Variants in HGD observed in about 807,000 individuals in gnomAD.
HGD encodes the protein homogentisate 1,2-dioxygenase.
HGD carries 61 observed loss-of-function variants against 60.8 expected under a neutral mutation model. The ratio of observed to expected loss-of-function variants is 1.00; its 90% CI spans 0.82 to 1.24. HGD has a LOEUF of 1.24. HGD is among the 50% of genes most tolerant of loss of function. The pLI is 0.00. For missense variants in HGD, 542 were observed against 547.1 expected, an observed-to-expected ratio of 0.99 and a Z score of 0.09; for synonymous variants, 212 against 187.7, an observed-to-expected ratio of 1.13 and a Z score of -1.06.
At position 120,628,305 on chromosome 3, in the gene HGD, A is replaced by G. The variant is rs1940482202; in HGVS notation, c.*75T>C. ...TCATTTTAACCAACCCCCTCCTCCA[A>G]TACTACCAGAAAGCATGAGATTCTG... On this transcript the variant is annotated 3_prime_UTR_variant, in exon 14 of 14. Coordinates refer to ENST00000283871, the MANE Select transcript of HGD (RefSeq NM_000187.4). 1.3e-6 allele frequency: 2 copies of G among 1,515,380 alleles called. No individual in the cohort carries two copies. The highest frequency in any genetic ancestry group is 1.4e-5 in the African/African-American group (1 of 72,776). 93.9% of individuals were successfully genotyped at this position (1,515,380 alleles called of 1,614,324 possible).
At chr3:120,646,891 A>C in intron 8 of HGD, 82 bp downstream of exon 8, 1 of 1,097,628 alleles carries the variant, frequency 9.1e-7, no homozygotes, top group African/African-American at 1.5e-5. Context: ...GAAATTTTAG[A>C]GTTGGAAATA....
chr3:120,639,767 A>T (rs950918930), intron 11 of HGD, among the ~76,000 whole-genome samples: 1 of 152,124 alleles, frequency 6.6e-6, no homozygotes, highest in African/African-American at 2.4e-5. Context: ...TTGCTTTCCT[A>T]CCTTTGTTTG....
intron 4 of HGD, among the ~76,000 whole-genome samples, chr3:120,663,439 A>G (rs1707825276): frequency 6.6e-6 from 1 of 152,222 alleles, no homozygotes; most frequent in East Asian, 1.9e-4. Context: ...AGAAAGTCAC[A>G]TCTCATTTGG....
At chr3:120,652,732 TA>T in intron 4 of HGD, 81 bp from the exon 5 acceptor site, 1 of 953,184 alleles carries the variant, frequency 1.0e-6, no homozygotes, top group Non-Finnish European at 1.7e-6. Flanking sequence ...ATCAATTACA[TA>T]GAAAAGAAAG....
intron 12 of HGD, among the ~76,000 whole-genome samples, chr3:120,636,748 A>G (rs995619183): frequency 5.9e-5 from 9 of 152,216 alleles, no homozygotes; most frequent in African/African-American, 2.2e-4. Context: ...CTGGCATTTG[A>G]CCATGGAGTG....
At chr3:120,664,426 C>CTTTTTTTTT (rs71133513) in intron 4 of HGD, among the ~76,000 whole-genome samples, 6 of 118,820 alleles carry the variant, frequency 5.0e-5, no homozygotes, top group Admixed American at 9.9e-5. Flanking sequence ...TTTTTTCTTC[C>CTTTTTTTTT]TTTTTTTTTT....
Position 120,628,444 on chromosome 3 carries a change from T to C in HGD, c.1274A>G (p.Lys425Arg), listed in dbSNP as rs1487126657. 2.5e-6 allele frequency: 4 copies of C among 1,613,916 alleles called. No individual in the cohort carries two copies. In the East Asian group the frequency reaches 6.7e-5, roughly 27 times the overall value. ...GTGGCTCTTGAGTGGCTCCCAGCAC[T>C]TGTGGTAGTTCTCATCCAAACACCT... Reference protein sequence around the residue: ...ASRCLDENYHKCWEPLKSHFT... With the variant: ...ASRCLDENYHRCWEPLKSHFT... Residue 425 changes from lysine (K) to arginine (R), a missense_variant, in exon 14 of 14, where the codon AAG (lysine) becomes AGG (arginine). By Grantham distance (26) the Lys-to-Arg change is conservative (BLOSUM62 2). Around this residue, in one of 2 missense-constraint regions of HGD, gnomAD observed 537 missense variants for 529.1 expected, o/e 1.01. Coordinates refer to ENST00000283871, the MANE Select transcript of HGD (RefSeq NM_000187.4).
In HGD at chr3:120,660,002, G is replaced by A. The variant is rs530643785; in HGVS notation, c.283-7351C>T. Among the ~76,000 whole-genome samples the A allele has an allele frequency of 2.0e-5, 3 of 152,156 alleles. No individual in the cohort carries two copies. In the South Asian group the frequency reaches 6.2e-4, roughly 32 times the overall value. On this transcript the variant is annotated intron_variant, in intron 4 of 13. Transcript: ENST00000283871. ...ACGAATGGCTTAGCACTACCCTCTT[G>A]GTGCTGTTCTCATGACAGTGAGTTC...
chr3:120,675,821 G>A lies in HGD; in HGVS notation c.58C>T (p.Arg20Cys), dbSNP rs755454185. The A allele has an allele frequency of 9.9e-6, 16 of 1,613,492 alleles. No homozygotes were observed. The highest frequency in any genetic ancestry group is 2.2e-5 in the East Asian group (1 of 44,884). Residue 20 changes from arginine to cysteine, a missense_variant, in exon 2 of 14, where the codon CGC (arginine) becomes TGC (cysteine). Physicochemically the swap from Arg to Cys is radical, Grantham distance 180. This residue lies in a region of HGD where 537 missense variants were observed against 529.1 expected (regional missense o/e 1.01). Transcript: ENST00000283871. ...CCTTCTGGCAGGGAACCTGGGCAGCGAGGATCCTCTGAAGAACACTCATTC... is the reference window on the plus strand; with the variant it reads ...CCTTCTGGCAGGGAACCTGGGCAGCAAGGATCCTCTGAAGAACACTCATTC... ...FGNECSSEDPRCPGSLPEGQN... is the reference protein window; with the variant it reads ...FGNECSSEDPCCPGSLPEGQN...
intron 4 of HGD, among the ~76,000 whole-genome samples, chr3:120,663,511 A>T (rs1176375927): frequency 1.3e-5 from 2 of 152,204 alleles, no homozygotes; most frequent in African/African-American, 2.4e-5. Flanking sequence ...TCCCTCCCGT[A>T]ACACGTGGGA....
intron 3 of HGD, among the ~76,000 whole-genome samples, chr3:120,674,293 G>T (rs898483562): frequency 6.6e-6 from 1 of 152,090 alleles, no homozygotes; most frequent in African/African-American, 2.4e-5. Flanking sequence ...GTTAATCAAG[G>T]GATTACGTTC....
intron 1 of HGD, among the ~76,000 whole-genome samples, chr3:120,677,477 C>T (rs927545334): frequency 2.6e-5 from 4 of 152,128 alleles, no homozygotes; most frequent in African/African-American, 4.8e-5. Context: ...TCTCCCACAG[C>T]GCTCCCAGGC....
chr3:120,659,989 G>A (rs1193165691), intron 4 of HGD, among the ~76,000 whole-genome samples: 1 of 152,112 alleles, frequency 6.6e-6, no homozygotes, highest in African/African-American at 2.4e-5. Context: ...GAATGGCTTA[G>A]CACTACCCTC....
intron 12 of HGD, among the ~76,000 whole-genome samples, chr3:120,635,587 C>T (rs752159937): frequency 1.3e-5 from 2 of 150,860 alleles, no homozygotes; most frequent in Non-Finnish European, 2.9e-5. Context: ...ATAATAAAGT[C>T]ACATCAAAGC....
intron 13 of HGD, among the ~76,000 whole-genome samples, chr3:120,631,612 T>G (rs1940593944): frequency 6.6e-6 from 1 of 152,248 alleles, no homozygotes; most frequent in Non-Finnish European, 1.5e-5. Context: ...CCTCTCCATT[T>G]GGCTGGATTA....
At chr3:120,646,148 C>T in intron 9 of HGD, 119 bp downstream of exon 9, 1 of 749,872 alleles carries the variant, frequency 1.3e-6, no homozygotes, top group East Asian at 2.5e-5. Context: ...AAGAATTTGT[C>T]TAGAGAGAAA....
At position 120,628,347 on chromosome 3, in the gene HGD, T is replaced by C. The variant is rs928304002; in HGVS notation, c.*33A>G. 5 of 1,608,842 alleles carry C rather than the reference T, an allele frequency of 3.1e-6. No homozygotes were observed. The highest frequency in any genetic ancestry group is 4.3e-6 in the Non-Finnish European group (5 of 1,175,582). On this transcript the variant is annotated 3_prime_UTR_variant, in exon 14 of 14. Transcript: ENST00000283871. ...GAGATTCTGAAGAAATCTTCACAAATCTACTCTTAATTATGGTAGCAATGT... is the reference window on the plus strand; with the variant it reads ...GAGATTCTGAAGAAATCTTCACAAACCTACTCTTAATTATGGTAGCAATGT...
intron 12 of HGD, among the ~76,000 whole-genome samples, chr3:120,636,640 G>C (rs1037075974): frequency 6.6e-6 from 1 of 152,150 alleles, no homozygotes; most frequent in Admixed American, 6.5e-5. Context: ...TTTTAGAAAC[G>C]ACTTATGATG....
chr3:120,668,130 C>G (rs1332349061), intron 4 of HGD, among the ~76,000 whole-genome samples: 1 of 152,140 alleles, frequency 6.6e-6, no homozygotes, highest in Non-Finnish European at 1.5e-5. Context: ...AGCTGGGGAC[C>G]AGGGAGGATG....
Sources: gnomAD v4.1 joint callset for allele counts (sites outside exome capture counted in the v4.1 genomes callset) on GRCh38, gnomAD v4.1.1 for gene constraint, gnomAD v4.1.1 regional missense constraint, MANE v1.5 for transcripts, NCBI Gene and HGNC (gene_info 2026-07-23, HGNC 2026-07-21) for gene names.